The following KCNIP4 variants were observed in gnomAD, a reference collection of about 807,000 sequenced individuals.
KCNIP4 encodes potassium voltage-gated channel interacting protein 4, also known as Kv channel-interacting protein 4.
A neutral mutation model predicts 34.0 loss-of-function variants in KCNIP4; 12 were observed. That is an observed-to-expected ratio of 0.35 (90% CI 0.23 to 0.57). The LOEUF (loss-of-function observed/expected upper bound fraction) is 0.57. Ranked by LOEUF, KCNIP4 falls within the 20% of genes least tolerant of loss-of-function variation. The pLI is 0.83. For missense variants in KCNIP4, 238 were observed against 311.7 expected, an observed-to-expected ratio of 0.76 and a Z score of 1.78; for synonymous variants, 124 against 102.2, an observed-to-expected ratio of 1.21 and a Z score of -1.29.
intron 1 of KCNIP4, among the ~76,000 whole-genome samples, chr4:21,778,756 T>C (rs1220507125): frequency 6.6e-6 from 1 of 152,144 alleles, no homozygotes; most frequent in Non-Finnish European, 1.5e-5. Flanking sequence ...ATGATACAAG[T>C]ATACTCCAGT....
chr4:21,561,457 T>A (rs959883853), intron 1 of KCNIP4, among the ~76,000 whole-genome samples: 1 of 152,000 alleles, frequency 6.6e-6, no homozygotes, highest in Non-Finnish European at 1.5e-5. Flanking sequence ...CTCTGTTTGA[T>A]CATTTAAGGC....
chr4:20,826,560 G>T (rs1717782982), intron 3 of KCNIP4, among the ~76,000 whole-genome samples: 1 of 152,002 alleles, frequency 6.6e-6, no homozygotes, highest in African/African-American at 2.4e-5. Flanking sequence ...CTGCACTCCA[G>T]CCTGGACAAC....
At chr4:20,927,695 G>A (rs1260655942) in intron 1 of KCNIP4, among the ~76,000 whole-genome samples, 3 of 152,132 alleles carry the variant, frequency 2.0e-5, no homozygotes, top group African/African-American at 7.2e-5. Context: ...TAAGATTTGA[G>A]ACTGAATTCT....
At chr4:20,918,518 G>C (rs545315124) in intron 1 of KCNIP4, among the ~76,000 whole-genome samples, 1 of 152,162 alleles carries the variant, frequency 6.6e-6, no homozygotes, top group East Asian at 1.9e-4. Flanking sequence ...AAGATGAAGA[G>C]TACTCCATAA....
chr4:21,870,570 G>A (rs1725729433), intron 1 of KCNIP4, among the ~76,000 whole-genome samples: 2 of 152,236 alleles, frequency 1.3e-5, no homozygotes, highest in Non-Finnish European at 2.9e-5. Context: ...ATCAGTATGA[G>A]TATGTATGAA....
At chr4:21,364,184 G>A (rs560448255) in intron 1 of KCNIP4, among the ~76,000 whole-genome samples, 20 of 152,142 alleles carry the variant, frequency 1.3e-4, no homozygotes, top group Middle Eastern at 3.4e-3. Context: ...AACATAATAG[G>A]CTTACAACAA....
At chr4:20,800,735 G>A (rs542802750) in intron 3 of KCNIP4, among the ~76,000 whole-genome samples, 141 of 152,130 alleles carry the variant, frequency 9.3e-4, no homozygotes, top group Non-Finnish European at 1.8e-3. Flanking sequence ...CTGACTTAGA[G>A]GAAACAAAAG....
At chr4:21,709,169 G>C (rs543188403) in intron 1 of KCNIP4, among the ~76,000 whole-genome samples, 2 of 152,022 alleles carry the variant, frequency 1.3e-5, no homozygotes, top group East Asian at 1.9e-4. Context: ...ACTAAGTGAA[G>C]GACAACAGCA....
At chr4:20,984,229 G>A (rs995574078) in intron 1 of KCNIP4, among the ~76,000 whole-genome samples, 2 of 152,220 alleles carry the variant, frequency 1.3e-5, no homozygotes, top group Non-Finnish European at 2.9e-5. Context: ...TCAGAGCTGC[G>A]AGGGAAACGT....
At chr4:21,777,886 T>G (rs1234325270) in intron 1 of KCNIP4, among the ~76,000 whole-genome samples, 1 of 152,188 alleles carries the variant, frequency 6.6e-6, no homozygotes, top group Non-Finnish European at 1.5e-5. Context: ...AAGTTTTACT[T>G]TAAATGCCCA....
chr4:21,624,115 A>C (rs1745164914), intron 1 of KCNIP4, among the ~76,000 whole-genome samples: 1 of 152,070 alleles, frequency 6.6e-6, no homozygotes, highest in Non-Finnish European at 1.5e-5. Flanking sequence ...AGCGCACAGG[A>C]CTTCAGATCA....
chr4:21,430,819 G>A (rs981334087), intron 1 of KCNIP4, among the ~76,000 whole-genome samples: 83 of 151,990 alleles, frequency 5.5e-4, no homozygotes, highest in African/African-American at 2.0e-3. Context: ...GGTAAACTCA[G>A]CTCTTTTCAC....
chr4:21,445,452 C>A (rs1405147713), intron 1 of KCNIP4, among the ~76,000 whole-genome samples: 1 of 152,072 alleles, frequency 6.6e-6, no homozygotes, highest in Non-Finnish European at 1.5e-5. Flanking sequence ...CAGAACAGAG[C>A]CCTCAGAAAT....
chr4:21,092,476 G>T (rs1035860520), intron 1 of KCNIP4, among the ~76,000 whole-genome samples: 2 of 152,108 alleles, frequency 1.3e-5, no homozygotes, highest in Non-Finnish European at 2.9e-5. Flanking sequence ...TTTTATATCT[G>T]TTCTGTTTTG....
At position 21,001,058 on chromosome 4, in the gene KCNIP4, A is replaced by G. The variant is rs370658318; in HGVS notation, c.62-118349T>C. Among the ~76,000 whole-genome samples, 12 of 152,288 alleles carry G rather than the reference A, an allele frequency of 7.9e-5. No homozygotes were observed. The South Asian group carries it at 8.3e-4, about 11-fold the overall frequency. ...AACACTATTAGGCAGAATTTTTACCAGCTTTATTCATGATTCCCAGCACTG... is the reference window on the plus strand; with the variant it reads ...AACACTATTAGGCAGAATTTTTACCGGCTTTATTCATGATTCCCAGCACTG... On this transcript the variant is annotated intron_variant, in intron 1 of 8. Coordinates refer to ENST00000382152, the MANE Select transcript of KCNIP4 (RefSeq NM_025221.6).
Position 21,303,979 on chromosome 4 carries a change from T to C in KCNIP4, c.62-421270A>G, listed in dbSNP as rs1712052508. 2.0e-6 allele frequency: 3 copies of C among 1,497,148 alleles called. No individual in the cohort carries two copies. In the Admixed American group the frequency reaches 5.5e-5, roughly 27 times the overall value. 92.7% of individuals were successfully genotyped at this position (1,497,148 alleles called of 1,614,324 possible). A position where few individuals can be genotyped will look rare whatever the true frequency, so the allele number is the denominator to read the frequency against. ...TGCCTGGCTTTCTTTGTAAAGCCATTAAACTACATTAAGAAGGCTACTGCT... is the reference window on the plus strand; with the variant it reads ...TGCCTGGCTTTCTTTGTAAAGCCATCAAACTACATTAAGAAGGCTACTGCT... On this transcript the variant is annotated intron_variant, in intron 1 of 8. Transcript: ENST00000382152.
At chr4:21,945,614 A>G (rs900120156) in intron 1 of KCNIP4, among the ~76,000 whole-genome samples, 2 of 152,108 alleles carry the variant, frequency 1.3e-5, no homozygotes, top group African/African-American at 2.4e-5. Context: ...TTAGTTGTAG[A>G]TTACATCACA....
rs144843983 is a variant in KCNIP4 at position 21,578,159 on chromosome 4, C to A, written c.61+370412G>T. Among the ~76,000 whole-genome samples the A allele has an allele frequency of 6.9e-3, 1,048 of 151,914 alleles. 17 individuals are homozygous for A. The highest frequency in any genetic ancestry group is 0.024 in the African/African-American group (987 of 41,426). ...GACCAGCCTTGCCAACATGGTGAAA[C>A]CCTGTCTCTACTAAAGATACAAAAA... On this transcript the variant is annotated intron_variant, in intron 1 of 8. Transcript: ENST00000382152.
intron 1 of KCNIP4, among the ~76,000 whole-genome samples, chr4:21,564,291 G>C (rs1222296560): frequency 6.6e-6 from 1 of 152,096 alleles, no homozygotes; most frequent in African/African-American, 2.4e-5. Flanking sequence ...GAACAGAGTT[G>C]TCCTTCTTCC....
Sources: gnomAD v4.1 joint callset for allele counts (sites outside exome capture counted in the v4.1 genomes callset) on GRCh38, gnomAD v4.1.1 for gene constraint, MANE v1.5 for transcripts, NCBI Gene and HGNC (gene_info 2026-07-23, HGNC 2026-07-21) for gene names.